SYT9: variants seen among roughly 807,000 people sequenced by gnomAD.
SYT9 encodes the protein synaptotagmin 9, also known as synaptotagmin-9.
In SYT9, 22 loss-of-function variants were observed where a neutral mutation model predicts 48.4. The observed-to-expected ratio is 0.45, with a 90% CI of 0.32 to 0.65. The LOEUF (loss-of-function observed/expected upper bound fraction) is 0.65. Ranked by LOEUF, SYT9 falls within the 30% of genes least tolerant of loss-of-function variation. The pLI, the probability that SYT9 is intolerant of heterozygous loss-of-function variation, is 0.03. For synonymous variants in SYT9, 265 were observed against 245.0 expected, an observed-to-expected ratio of 1.08 and a Z score of -0.76; for missense variants, 577 against 622.0, an observed-to-expected ratio of 0.93 and a Z score of 0.77.
At chr11:7,262,937 G>A (rs59576731) in intron 1 of SYT9, among the ~76,000 whole-genome samples, 5,875 of 152,150 alleles carry the variant, frequency 0.039, 350 homozygotes, top group African/African-American at 0.12. Flanking sequence ...TTATTTATTC[G>A]TAAGTTAGGA....
chr11:7,413,452 T>C (rs977815133), intron 3 of SYT9, among the ~76,000 whole-genome samples: 2 of 152,204 alleles, frequency 1.3e-5, no homozygotes, highest in Non-Finnish European at 2.9e-5. Flanking sequence ...CTCTCTGTGT[T>C]AGTCTCTAGG....
chr11:7,367,404 T>G (rs1198052550), intron 3 of SYT9, among the ~76,000 whole-genome samples: 1 of 152,052 alleles, frequency 6.6e-6, no homozygotes, highest in Non-Finnish European at 1.5e-5. Flanking sequence ...TCTTTATAGC[T>G]GCTTTCATTT....
At chr11:7,433,828 C>T (rs1847654372) in intron 6 of SYT9, among the ~76,000 whole-genome samples, 1 of 152,178 alleles carries the variant, frequency 6.6e-6, no homozygotes, top group Non-Finnish European at 1.5e-5. Flanking sequence ...AAATTTCTGT[C>T]ATTTATAAAT....
chr11:7,395,227 GT>G (rs1002385784), intron 3 of SYT9, among the ~76,000 whole-genome samples: 3 of 152,032 alleles, frequency 2.0e-5, no homozygotes, highest in African/African-American at 7.3e-5. Flanking sequence ...GTATGATTCA[GT>G]TTTTTGGGAT....
intron 3 of SYT9, among the ~76,000 whole-genome samples, chr11:7,324,753 G>A (rs1439706928): frequency 2.0e-5 from 3 of 151,780 alleles, no homozygotes; most frequent in Non-Finnish European, 1.5e-5. Flanking sequence ...AATATGGAGT[G>A]TATTTTATAG....
intron 1 of SYT9, among the ~76,000 whole-genome samples, chr11:7,254,867 G>C (rs752073172): frequency 4.6e-5 from 7 of 152,194 alleles, no homozygotes; most frequent in Non-Finnish European, 8.8e-5. Context: ...CAGAGGTGTG[G>C]AAAGACTAGG....
intron 1 of SYT9, among the ~76,000 whole-genome samples, chr11:7,264,902 G>A (rs1306059849): frequency 6.6e-6 from 1 of 152,146 alleles, no homozygotes; most frequent in East Asian, 1.9e-4. Context: ...CCTGAGGAAT[G>A]ATAGATGTCT....
chr11:7,259,202 A>G (rs1169238742), intron 1 of SYT9, among the ~76,000 whole-genome samples: 1 of 152,150 alleles, frequency 6.6e-6, no homozygotes, highest in East Asian at 1.9e-4. Context: ...TACCTGGTAT[A>G]TGCTCATAGT....
At chr11:7,329,861 A>G (rs1016216586) in intron 3 of SYT9, among the ~76,000 whole-genome samples, 8 of 152,132 alleles carry the variant, frequency 5.3e-5, no homozygotes, top group African/African-American at 1.9e-4. Context: ...CTGGGTCCAC[A>G]AAAGGGAGGA....
rs959937698 is a variant in SYT9, at chr11:7,466,773, T to A, written c.1468-19T>A. ...TATGAATGAAAGCCAAATTATTTTT[T>A]TGTTTTTTCTTCCTGCAGAAACGAT... On this transcript the variant is annotated intron_variant, in intron 6 of 6. Transcript: ENST00000318881. 6.2e-7 allele frequency: 1 copy of A among 1,611,046 alleles called. No individual in the cohort carries two copies. Among genetic ancestry groups the A allele is most frequent in the Non-Finnish European group, 8.5e-7 (1 of 1,179,106 alleles).
At position 7,350,749 on chromosome 11, in the gene SYT9, A is replaced by G. The variant is rs1468476834; in HGVS notation, c.1044+36808A>G. 2.6e-5 allele frequency among the ~76,000 whole-genome samples: 4 copies of G among 152,214 alleles called. No individual in the cohort carries two copies. The East Asian group carries it at 7.7e-4, about 29-fold the overall frequency. ...CTATTGCCACCACCACCAACTTTCA[A>G]CCTGAGAGCATGATTTTTCCAGAAG... On this transcript the variant is annotated intron_variant, in intron 3 of 6. Transcript: ENST00000318881.
chr11:7,269,239 A>T (rs1420845685), intron 1 of SYT9, among the ~76,000 whole-genome samples: 1 of 152,062 alleles, frequency 6.6e-6, no homozygotes, highest in Admixed American at 6.6e-5. Flanking sequence ...TGGGCTATTC[A>T]GCAAATGGGG....
chr11:7,382,121 G>T (rs542808416), intron 3 of SYT9, among the ~76,000 whole-genome samples: 45 of 152,258 alleles, frequency 3.0e-4, no homozygotes, highest in African/African-American at 1.0e-3. Flanking sequence ...AGCAACTGAG[G>T]CTCCCTTCTA....
chr11:7,269,644 C>T (rs1848258755), intron 1 of SYT9, among the ~76,000 whole-genome samples: 3 of 152,124 alleles, frequency 2.0e-5, no homozygotes, highest in Admixed American at 2.0e-4. Context: ...ACAAAAACCT[C>T]ACTTTCGACC....
intron 3 of SYT9, among the ~76,000 whole-genome samples, chr11:7,373,992 A>G (rs112949722): frequency 0.029 from 4,448 of 152,156 alleles, 198 homozygotes; most frequent in African/African-American, 0.096. Flanking sequence ...TTACATAGGT[A>G]TACATTTGCC....
intron 3 of SYT9, among the ~76,000 whole-genome samples, chr11:7,378,604 C>T (rs1564882887): frequency 1.3e-5 from 2 of 151,160 alleles, no homozygotes; most frequent in Admixed American, 6.6e-5. Flanking sequence ...TAGTGCTCCT[C>T]TCCAGGGAAA....
At chr11:7,380,927 C>T (rs1850549436) in intron 3 of SYT9, among the ~76,000 whole-genome samples, 2 of 152,020 alleles carry the variant, frequency 1.3e-5, no homozygotes, top group South Asian at 4.2e-4. Context: ...TTGATCTTAC[C>T]TATCTGTCAG....
chr11:7,342,458 A>G (rs10734618), intron 3 of SYT9, among the ~76,000 whole-genome samples: 152,250 of 152,312 alleles, frequency 1, 76,094 homozygotes, highest in Non-Finnish European at 1. Flanking sequence ...AATCCAGCAG[A>G]GCAGTCAAAT....
chr11:7,402,884 T>G (rs1319857766), intron 3 of SYT9, among the ~76,000 whole-genome samples: 1 of 152,178 alleles, frequency 6.6e-6, no homozygotes, highest in Admixed American at 6.6e-5. Flanking sequence ...TCCATACTTT[T>G]GTTCTTATTT....
Sources: allele counts gnomAD v4.1 joint callset (sites outside exome capture counted in the v4.1 genomes callset), GRCh38; gene constraint gnomAD v4.1.1; transcripts MANE v1.5; gene names NCBI Gene and HGNC (gene_info 2026-07-23, HGNC 2026-07-21).